DCUN1D2: variants seen among roughly 807,000 people sequenced by gnomAD.
DCUN1D2 encodes DCN1-like protein 2.
DCUN1D2 carries 29 observed loss-of-function variants against 30.9 expected under a neutral mutation model. The ratio of observed to expected loss-of-function variants is 0.94; its 90% CI spans 0.70 to 1.28. DCUN1D2 has a LOEUF of 1.28. Ranked by LOEUF, DCUN1D2 falls within the 50% of genes most tolerant of loss-of-function variation. The pLI is 0.00. For synonymous variants in DCUN1D2, 121 were observed against 115.3 expected, an observed-to-expected ratio of 1.05 and a Z score of -0.32; for missense variants, 325 against 316.9, an observed-to-expected ratio of 1.03 and a Z score of -0.19.
At chr13:113,465,166 A>C (rs2044381058) in intron 4 of DCUN1D2, among the ~76,000 whole-genome samples, 1 of 152,230 alleles carries the variant, frequency 6.6e-6, no homozygotes, top group South Asian at 2.1e-4. Context: ...GATTATGCTG[A>C]AGATATTAAA....
chr13:113,488,556 G>T lies in DCUN1D2; in HGVS notation c.3+2111C>A, dbSNP rs1487596727. Reference sequence around the variant, plus strand: ...GCTCGTCAACTAAAAAACTACAGGGGAGAGAAGGAAGCCGAGTCCCTCTAG... The same window carrying T: ...GCTCGTCAACTAAAAAACTACAGGGTAGAGAAGGAAGCCGAGTCCCTCTAG... On this transcript the variant is annotated intron_variant, in intron 1 of 6. Coordinates refer to ENST00000478244, the MANE Select transcript of DCUN1D2 (RefSeq NM_001014283.2). This position sits in a 1 kb window ranked among gnomAD's most constrained non-coding sequence, Gnocchi z 4.3. 1.3e-5 allele frequency among the ~76,000 whole-genome samples: 2 copies of T among 152,198 alleles called. No individual in the cohort carries two copies. The highest frequency in any genetic ancestry group is 2.4e-5 in the African/African-American group (1 of 41,442).
rs112059541 is a variant in DCUN1D2 at position 113,464,019 on chromosome 13, T to C, written c.521-2883A>G. ...CGGCTCTACTTCTGGGCTATAGTCA[T>C]AAAATTACTCTTCTTGCTTTATTTC... On this transcript the variant is annotated intron_variant, in intron 4 of 6. Transcript: ENST00000478244. 3.0e-3 allele frequency among the ~76,000 whole-genome samples: 463 copies of C among 152,354 alleles called. 4 individuals carry two copies. Among genetic ancestry groups the C allele is most frequent in the African/African-American group, 0.011 (443 of 41,582 alleles).
intron 4 of DCUN1D2, among the ~76,000 whole-genome samples, chr13:113,470,987 AGGACCCAACTCCACAGG>A (rs2044500254): frequency 1.4e-4 from 18 of 132,606 alleles, no homozygotes; most frequent in African/African-American, 5.2e-4. Flanking sequence ...AACTCTACAG[AGGACCCAACTCCACAGG>A]GGACCCAACT....
intron 1 of DCUN1D2, 171 bp from the exon 2 acceptor site, chr13:113,484,227 T>G: frequency 7.2e-7 from 1 of 1,392,230 alleles, no homozygotes; most frequent in Non-Finnish European, 9.4e-7. Context: ...ATCTATACTG[T>G]AACAAACAGG....
Position 113,457,699 on chromosome 13 carries a change from G to A in DCUN1D2, c.*330C>T. ...GGACGCTGGTTCGCCTGACGCGCGA[G>A]CTACGCAGCATGCTCTGCGGTCCCA... is the stretch of plus-strand genomic sequence containing the variant. On this transcript the variant is annotated 3_prime_UTR_variant, in exon 7 of 7. Coordinates refer to ENST00000478244, the MANE Select transcript of DCUN1D2 (RefSeq NM_001014283.2). 5.4e-6 allele frequency: 1 copy of A among 186,394 alleles called. No individual in the cohort carries two copies. Among genetic ancestry groups the A allele is most frequent in the South Asian group, 1.8e-4 (1 of 5,456 alleles). 11.5% of individuals were successfully genotyped at this position (186,394 alleles called of 1,614,324 possible).
At chr13:113,484,396 C>T (rs2044765455) in intron 1 of DCUN1D2, among the ~76,000 whole-genome samples, 1 of 152,190 alleles carries the variant, frequency 6.6e-6, no homozygotes, top group African/African-American at 2.4e-5. Flanking sequence ...AGGGCAAGGA[C>T]CTTACGGCAC....
chr13:113,473,656 T>A (rs967967130), intron 4 of DCUN1D2, among the ~76,000 whole-genome samples: 1 of 152,230 alleles, frequency 6.6e-6, no homozygotes, highest in Non-Finnish European at 1.5e-5. Flanking sequence ...TATAAACTCA[T>A]CTACCTACAT....
intron 2 of DCUN1D2, among the ~76,000 whole-genome samples, chr13:113,482,926 A>C (rs968421070): frequency 6.6e-6 from 1 of 152,198 alleles, no homozygotes. Context: ...CTGGTGACAG[A>C]GCAAGACTCC....
intron 4 of DCUN1D2, among the ~76,000 whole-genome samples, chr13:113,467,381 CTG>C (rs1331267712): frequency 6.6e-6 from 1 of 152,006 alleles, no homozygotes; most frequent in Non-Finnish European, 1.5e-5. Context: ...TGAAACTGGT[CTG>C]TGATCACCGG....
chr13:113,478,935 G>A (rs1342166352), intron 3 of DCUN1D2: 2 of 151,152 alleles, frequency 1.3e-5, no homozygotes, highest in Non-Finnish European at 2.9e-5. Context: ...CACGAACATA[G>A]TCCCCCACTA....
intron 2 of DCUN1D2, among the ~76,000 whole-genome samples, chr13:113,483,081 CT>C (rs1250125040): frequency 1.3e-5 from 2 of 152,184 alleles, no homozygotes; most frequent in African/African-American, 4.8e-5. Context: ...AAAACTTAGC[CT>C]TAAAAACTGC....
chr13:113,474,817 T>A (rs1249306188), intron 3 of DCUN1D2, among the ~76,000 whole-genome samples: 2 of 152,204 alleles, frequency 1.3e-5, no homozygotes, highest in African/African-American at 4.8e-5. Flanking sequence ...CTCTGTCCCA[T>A]CATACAAGCG....
intron 1 of DCUN1D2, chr13:113,489,065 T>TA (rs1197149315): frequency 1.0e-5 from 10 of 969,002 alleles, no homozygotes; most frequent in Non-Finnish European, 1.1e-5. Flanking sequence ...AAATTACTCT[T>TA]AAAATGTCCT....
intron 4 of DCUN1D2, among the ~76,000 whole-genome samples, chr13:113,469,598 T>A (rs1484303141): frequency 6.6e-6 from 1 of 152,222 alleles, no homozygotes; most frequent in Non-Finnish European, 1.5e-5. Context: ...GGAGGATCAC[T>A]GAAACCCAGG....
At chr13:113,469,612 C>A (rs2044468914) in intron 4 of DCUN1D2, among the ~76,000 whole-genome samples, 1 of 152,054 alleles carries the variant, frequency 6.6e-6, no homozygotes, top group South Asian at 2.1e-4. Context: ...ACCCAGGAGC[C>A]TGAGGGTGCG....
chr13:113,463,041 T>G (rs562054988), intron 4 of DCUN1D2: 1 of 220,558 alleles, frequency 4.5e-6, no homozygotes, highest in African/African-American at 2.3e-5. Flanking sequence ...TTTTTCAATA[T>G]TTATTATTAT....
At chr13:113,481,010 C>G (rs935552136) in intron 2 of DCUN1D2, among the ~76,000 whole-genome samples, 1 of 151,072 alleles carries the variant, frequency 6.6e-6, no homozygotes, top group South Asian at 2.1e-4. Flanking sequence ...TTGAGAAGAT[C>G]TGTTCACTAA....
Position 113,490,427 on chromosome 13 carries a change from G to A in DCUN1D2, c.3+240C>T. 4 of 344,396 alleles carry A rather than the reference G, an allele frequency of 1.2e-5. No homozygotes were observed. The highest frequency in any genetic ancestry group is 1.1e-4 in the South Asian group (2 of 18,606). 21.3% of individuals were successfully genotyped at this position (344,396 alleles called of 1,614,324 possible). ...CAGTTCCTCCCGGCCCCCGCCCTCC[G>A]CTCACTCCCGGTCGTCCCTCGCGGC... On this transcript the variant is annotated intron_variant, in intron 1 of 6. Transcript: ENST00000478244. The surrounding 1 kb of genome is among the most constrained non-coding windows in gnomAD (Gnocchi z 5.2).
chr13:113,472,503 C>T (rs2044538160), intron 4 of DCUN1D2, among the ~76,000 whole-genome samples: 1 of 152,150 alleles, frequency 6.6e-6, no homozygotes, highest in South Asian at 2.1e-4. Context: ...CACCAGAGTA[C>T]ACCAACAGCA....
Sources: allele counts gnomAD v4.1 joint callset (sites outside exome capture counted in the v4.1 genomes callset), GRCh38; gene constraint gnomAD v4.1.1; non-coding constraint Gnocchi (gnomAD v3.1); transcripts MANE v1.5; gene names NCBI Gene and HGNC (gene_info 2026-07-23, HGNC 2026-07-21).